PCDHGA4: variants seen among roughly 807,000 people sequenced by gnomAD.
PCDHGA4 encodes the protein protocadherin gamma subfamily A, 4.
In PCDHGA4, 38 loss-of-function variants were observed where a neutral mutation model predicts 54.6. The observed-to-expected ratio is 0.70, with a 90% CI of 0.54 to 0.91. The LOEUF is 0.91. Among genes scored for constraint, PCDHGA4 ranks in the 40% least tolerant of loss-of-function variants. The pLI, the probability that PCDHGA4 is intolerant of heterozygous loss-of-function variation, is 0.00. For synonymous variants in PCDHGA4, 511 were observed against 512.9 expected, an observed-to-expected ratio of 1.00 and a Z score of 0.05; for missense variants, 1,298 against 1,220.9, an observed-to-expected ratio of 1.06 and a Z score of -0.94.
intron 1 of PCDHGA4, chr5:141,372,171 G>A (rs573101178): frequency 2.5e-6 from 4 of 1,613,744 alleles, no homozygotes; most frequent in East Asian, 4.5e-5. Flanking sequence ...CAAGGTGGTG[G>A]CGGTGGACGC....
rs754618010 is a variant in PCDHGA4 at position 141,370,745 on chromosome 5, T to G, written c.2514+13124T>G. 19 of 1,613,834 alleles carry G rather than the reference T, an allele frequency of 1.2e-5. 1 individual carries two copies. In the South Asian group the frequency reaches 2.1e-4, roughly 18 times the overall value. ...TTGCTGAAAAGCCTTTAAACTTTTT[T>G]CATGTAACTGTGCTGATCCAGGATA... On this transcript the variant is annotated intron_variant, in intron 1 of 3. Coordinates refer to ENST00000571252, the MANE Select transcript of PCDHGA4 (RefSeq NM_018917.4).
chr5:141,365,828 C>T (rs768625295), intron 1 of PCDHGA4: 1 of 1,613,974 alleles, frequency 6.2e-7, no homozygotes, highest in Non-Finnish European at 8.5e-7. Context: ...TCAGGGGGCG[C>T]CCTTGTCCTC....
chr5:141,413,441 T>A, intron 1 of PCDHGA4: 1 of 1,614,056 alleles, frequency 6.2e-7, no homozygotes, highest in South Asian at 1.1e-5. Context: ...GGCAGCTTGA[T>A]CACCGCGGGC....
chr5:141,492,894 G>A (rs2099744893), intron 1 of PCDHGA4, among the ~76,000 whole-genome samples: 1 of 152,202 alleles, frequency 6.6e-6, no homozygotes, highest in Admixed American at 6.5e-5. Flanking sequence ...GGCTTTTGGC[G>A]CCGTCGTGAT....
At chr5:141,376,491 A>T in intron 1 of PCDHGA4, 2 of 1,614,114 alleles carry the variant, frequency 1.2e-6, no homozygotes, top group Non-Finnish European at 1.7e-6. Context: ...ACGAAAGGAG[A>T]ACCCAGGCAA....
chr5:141,415,740 G>GTTTTTTTTTTTTTTTTTT (rs57426385), intron 1 of PCDHGA4: 15 of 625,028 alleles, frequency 2.4e-5, no homozygotes, highest in African/African-American at 7.5e-5. Flanking sequence ...GTTTATTAAG[G>GTTTTTTTTTTTTTTTTTT]TTTTTTTTTT....
intron 1 of PCDHGA4, among the ~76,000 whole-genome samples, chr5:141,447,631 A>G (rs59518107): frequency 0.11 from 16,809 of 152,214 alleles, 1,093 homozygotes; most frequent in African/African-American, 0.17. Flanking sequence ...AACCAACAGT[A>G]TGAATGATGG....
intron 1 of PCDHGA4, chr5:141,375,434 A>G (rs1423365367): frequency 1.9e-6 from 3 of 1,613,800 alleles, no homozygotes; most frequent in Non-Finnish European, 2.5e-6. Flanking sequence ...CAACCCGCCC[A>G]CCTTCCCCCA....
At chr5:141,407,013 C>T (rs550387003) in intron 1 of PCDHGA4, among the ~76,000 whole-genome samples, 28 of 152,216 alleles carry the variant, frequency 1.8e-4, no homozygotes, top group Middle Eastern at 6.8e-3. Context: ...TTGAAGTTGA[C>T]TCAAAATTCT....
chr5:141,449,756 T>C (rs2098654563), intron 1 of PCDHGA4, among the ~76,000 whole-genome samples: 1 of 151,728 alleles, frequency 6.6e-6, no homozygotes, highest in South Asian at 2.1e-4. Flanking sequence ...TTTATGACAT[T>C]TGAGAGTAAG....
In PCDHGA4 at chr5:141,408,857, G is replaced by T. The variant is rs372861749; in HGVS notation, c.2514+51236G>T. 1.9e-5 allele frequency: 30 copies of T among 1,613,424 alleles called. No homozygotes were observed. Among genetic ancestry groups the T allele is most frequent in the Non-Finnish European group, 2.5e-5 (29 of 1,179,810 alleles). ...GATATTGACTGCCTTGGACGGAGGG[G>T]ACCCACCAAGAAGTGCCACCGCTCA... On this transcript the variant is annotated intron_variant, in intron 1 of 3. Coordinates refer to ENST00000571252, the MANE Select transcript of PCDHGA4 (RefSeq NM_018917.4).
intron 1 of PCDHGA4, chr5:141,400,191 A>C (rs781032596): frequency 5.0e-6 from 8 of 1,613,852 alleles, no homozygotes; most frequent in Non-Finnish European, 4.2e-6. Context: ...AGTTTTACCT[A>C]GTGGTGGCCT....
rs70988800 is a variant in PCDHGA4, at chr5:141,379,889, C to CTTTTTTTTTTTTTTTTTTTT, written c.2514+22279_2514+22298dup. 2.5e-3 allele frequency among the ~76,000 whole-genome samples: 127 copies of CTTTTTTTTTTTTTTTTTTTT among 50,836 alleles called. 11 individuals carry two copies. The highest frequency in any genetic ancestry group is 3.1e-3 in the Non-Finnish European group (79 of 25,888). The allele number at this position is 50,836 out of a possible 152,430, so 33.4% of individuals were successfully genotyped here. On this transcript the variant is annotated intron_variant, in intron 1 of 3. Transcript: ENST00000571252. ...CTTATTTTATGGTCTGTGAAAGCCT[C>CTTTTTTTTTTTTTTTTTTTT]TTTTTTTTTTTTTTTTTTTTTTTTT...
chr5:141,396,922 C>T lies in PCDHGA4; in HGVS notation c.2514+39301C>T, dbSNP rs576253766. Among the ~76,000 whole-genome samples, 68 of 152,290 alleles carry T rather than the reference C, an allele frequency of 4.5e-4. 1 individual carries two copies. The highest frequency in any genetic ancestry group is 1.5e-3 in the African/African-American group (61 of 41,560). ...TTGGCACTTTGCAATTTTAAAAACT[C>T]GGATGAAAGTTGCCCTGGTAGGAAA... On this transcript the variant is annotated intron_variant, in intron 1 of 3. Transcript: ENST00000571252.
At chr5:141,424,715 G>A (rs1299933373) in intron 1 of PCDHGA4, 1 of 152,132 alleles carries the variant, frequency 6.6e-6, no homozygotes, top group Admixed American at 6.6e-5. Flanking sequence ...TTTCAGTGTA[G>A]TTGGGAGTCA....
At chr5:141,470,734 G>A (rs970003510) in intron 1 of PCDHGA4, among the ~76,000 whole-genome samples, 1 of 152,128 alleles carries the variant, frequency 6.6e-6, no homozygotes, top group Non-Finnish European at 1.5e-5. Context: ...GTCTTGCTCT[G>A]TCGCCCTGGC....
chr5:141,383,102 CCA>C lies in PCDHGA4; in HGVS notation c.2514+25482_2514+25483del, dbSNP rs1253092385. ...GCGGAGCGCGGAGTCCGCATCATCT[CCA>C]GAGGTAGGACGCAGCTTTTCGCCCT... On this transcript the variant is annotated intron_variant, in intron 1 of 3. Coordinates refer to ENST00000571252, the MANE Select transcript of PCDHGA4 (RefSeq NM_018917.4). 3 of 1,614,004 alleles carry C rather than the reference CCA, an allele frequency of 1.9e-6. No homozygotes were observed. In the South Asian group the frequency reaches 3.3e-5, roughly 18 times the overall value.
chr5:141,510,958 G>A lies in PCDHGA4; in HGVS notation c.2674G>A (p.Gly892Arg). 6.2e-7 allele frequency: 1 copy of A among 1,614,130 alleles called. No homozygotes were observed. Among genetic ancestry groups the A allele is most frequent in the Non-Finnish European group, 8.5e-7 (1 of 1,180,012 alleles). The change falls in exon 4 of 4, where the codon GGG becomes AGG. Residue 892 changes from glycine to arginine, a missense_variant. Transcript: ENST00000571252. The stretch of plus-strand genomic sequence containing the variant: ...CTCTGTCTCTGCAGAAGCTGCTGAT[G>A]GGAGCTCCACCCTGGGAGGGGGTGC... ...ILASASEAAD[G>R]SSTLGGGAGT...
At chr5:141,413,089 C>A in intron 1 of PCDHGA4, 1 of 1,401,120 alleles carries the variant, frequency 7.1e-7, no homozygotes, top group Non-Finnish European at 9.7e-7. Context: ...TACAGAGACA[C>A]CCTGAAGCCA....
Sources: gnomAD v4.1 joint callset for allele counts (sites outside exome capture counted in the v4.1 genomes callset) on GRCh38, gnomAD v4.1.1 for gene constraint, MANE v1.5 for transcripts, NCBI Gene and HGNC (gene_info 2026-07-23, HGNC 2026-07-21) for gene names.